The following ARHGAP29 variants were observed in gnomAD, a reference collection of about 807,000 sequenced individuals.
ARHGAP29 encodes the protein Rho GTPase activating protein 29.
Under a neutral mutation model 122.6 loss-of-function variants are expected in ARHGAP29, and 43 were observed. The ratio of observed to expected loss-of-function variants is 0.35; its 90% CI spans 0.27 to 0.45. The LOEUF is 0.45. ARHGAP29 is among the 20% of genes least tolerant of loss of function. The pLI, the probability that ARHGAP29 is intolerant of heterozygous loss-of-function variation, is 1.00. For synonymous variants in ARHGAP29, 506 were observed against 497.1 expected (o/e 1.02, Z -0.24); for missense variants, 1,303 against 1,477.2 (o/e 0.88, Z 1.93).
chr1:94,205,751 T>C, intron 5 of ARHGAP29, 68 bp from the exon 6 acceptor site: 3 of 1,437,600 alleles, frequency 2.1e-6, no homozygotes, highest in Non-Finnish European at 2.9e-6. Flanking sequence ...AGAATTTTTT[T>C]GCCCCAATTT....
intron 12 of ARHGAP29, among the ~76,000 whole-genome samples, chr1:94,199,030 G>A (rs760835676): frequency 2.0e-5 from 3 of 152,076 alleles, no homozygotes; most frequent in Non-Finnish European, 4.4e-5. Context: ...TCATATGTGG[G>A]AACTGAACAA....
chr1:94,237,580 C>T lies in ARHGAP29; in HGVS notation c.-198G>A. 2.0e-6 allele frequency: 2 copies of T among 990,530 alleles called. No individual in the cohort carries two copies. Among genetic ancestry groups the T allele is most frequent in the Non-Finnish European group, 2.4e-6 (2 of 833,686 alleles). The allele number at this position is 990,530 out of a possible 1,614,324, so 61.4% of individuals were successfully genotyped here. ...GCAGCCACAGCCACAGGCACCACCACCACTGCAGCCGCCACCGCCCCTGCA... is the reference window on the plus strand; with the variant it reads ...GCAGCCACAGCCACAGGCACCACCATCACTGCAGCCGCCACCGCCCCTGCA... On this transcript the variant is annotated 5_prime_UTR_variant, in exon 1 of 23. It adds an upstream start codon to the 5' untranslated region. Transcript: ENST00000260526.
chr1:94,180,251 C>T (rs970900396), intron 19 of ARHGAP29, among the ~76,000 whole-genome samples: 9 of 152,144 alleles, frequency 5.9e-5, no homozygotes, highest in Non-Finnish European at 1.2e-4. Flanking sequence ...ATAGCAATCA[C>T]ATTCACGACT....
At chr1:94,222,432 C>T (rs1003244264) in intron 2 of ARHGAP29, among the ~76,000 whole-genome samples, 1 of 152,156 alleles carries the variant, frequency 6.6e-6, no homozygotes, top group South Asian at 2.1e-4. Context: ...GGTAAATATC[C>T]TTGCTATAAA....
intron 2 of ARHGAP29, among the ~76,000 whole-genome samples, chr1:94,223,820 CTTTTT>C (rs1652463847): frequency 7.1e-6 from 1 of 141,740 alleles, no homozygotes; most frequent in Non-Finnish European, 1.5e-5. Context: ...TTTTTTTTTT[CTTTTT>C]GAGTTGGAGT....
intron 2 of ARHGAP29, among the ~76,000 whole-genome samples, chr1:94,229,645 C>A (rs1652812472): frequency 6.6e-6 from 1 of 151,574 alleles, no homozygotes; most frequent in Admixed American, 6.6e-5. Flanking sequence ...TTGATAATGT[C>A]CTTATGAATT....
chr1:94,297,344 A>G, the ARHGAP29 span, among the ~76,000 whole-genome samples: 6 of 152,208 alleles, frequency 3.9e-5, no homozygotes, highest in African/African-American at 7.2e-5. Context: ...AATTCTTAAT[A>G]TTTTATGTAA....
Position 94,205,658 on chromosome 1 carries a change from G to A in ARHGAP29, c.536C>T (p.Ser179Leu). The A allele has an allele frequency of 6.2e-7, 1 of 1,612,616 alleles. No individual in the cohort carries two copies. Among genetic ancestry groups the A allele is most frequent in the Non-Finnish European group, 8.5e-7 (1 of 1,179,308 alleles). The part of the protein sequence containing the change: ...TKSFENVSVE[S>L]VDSSSEKGNF... ...ACCTTTTTCACTGGATGAGTCCACT[G>A]ATTCCACAGAAACATTTTCAAACGA... Residue 179 changes from serine (S) to leucine (L), a missense_variant, in exon 6 of 23, where the codon TCA (serine) becomes TTA (leucine). Physicochemically the swap from Ser to Leu is moderately radical, Grantham distance 145. Coordinates refer to ENST00000260526, the MANE Select transcript of ARHGAP29 (RefSeq NM_004815.4).
chr1:94,196,429 T>G (rs1326551348), intron 12 of ARHGAP29, among the ~76,000 whole-genome samples: 1 of 150,902 alleles, frequency 6.6e-6, no homozygotes, highest in Non-Finnish European at 1.5e-5. Flanking sequence ...GCCCGGCTAA[T>G]TTTTTGTATT....
At position 94,169,944 on chromosome 1, in the gene ARHGAP29, G is replaced by GAATCTAT. The variant is rs1648621227; in HGVS notation, c.*3918_*3924dup. ...GTCACTGAATAAAGCAGGCATTCAT[G>GAATCTAT]AATCTATACTGATTTAAGTGAATGA... is the stretch of plus-strand genomic sequence containing the variant. On this transcript the variant is annotated 3_prime_UTR_variant, in exon 23 of 23. Coordinates refer to ENST00000260526, the MANE Select transcript of ARHGAP29 (RefSeq NM_004815.4). 6.6e-6 allele frequency among the ~76,000 whole-genome samples: 1 copy of GAATCTAT among 152,178 alleles called. No homozygotes were observed. The highest frequency in any genetic ancestry group is 6.5e-5 in the Admixed American group (1 of 15,278).
intron 14 of ARHGAP29, 116 bp downstream of exon 14, chr1:94,189,100 T>C (rs1056307034): frequency 1.4e-6 from 2 of 1,415,350 alleles, no homozygotes; most frequent in East Asian, 2.3e-5. Context: ...TAAGATCTCA[T>C]AAACTTACAA....
At chr1:94,203,019 G>A (rs1203155373) in intron 9 of ARHGAP29, 21 bp from the exon 10 acceptor site, 5 of 1,599,452 alleles carry the variant, frequency 3.1e-6, no homozygotes, top group Non-Finnish European at 3.4e-6. Flanking sequence ...TATTTAAAAT[G>A]GAAAAAGAGA....
chr1:94,243,121 CAGTAATTGATAGAATAACAGAA>C, intron 1 of ARHGAP29, among the ~76,000 whole-genome samples: 1 of 152,044 alleles, frequency 6.6e-6, no homozygotes, highest in East Asian at 1.9e-4. Context: ...ACTCTTCTCT[CAGTAATTGATAGAATAACAGAA>C]AATCATTAAG....
intron 2 of ARHGAP29, among the ~76,000 whole-genome samples, chr1:94,229,078 T>G (rs1319336749): frequency 1.3e-5 from 2 of 151,798 alleles, no homozygotes. Context: ...GAGAAATTAC[T>G]GACAAGGCTC....
At chr1:94,227,282 T>G (rs1359079801) in intron 2 of ARHGAP29, among the ~76,000 whole-genome samples, 1 of 151,698 alleles carries the variant, frequency 6.6e-6, no homozygotes, top group East Asian at 1.9e-4. Context: ...TCTTTATAAA[T>G]AGTATAAAGG....
chr1:94,185,005 T>A lies in ARHGAP29; in HGVS notation c.1976A>T (p.His659Leu). The change falls in exon 18 of 23, where the codon CAT (histidine) becomes CTT (leucine). Residue 659 changes from histidine (H) to leucine (L), a missense_variant. Transcript: ENST00000260526. Reference protein sequence around the residue: ...CLENLVIICGHQKLPGKIHLF... With the variant: ...CLENLVIICGLQKLPGKIHLF... ...GTGTATTTTTCCTGGAAGTTTCTGA[T>A]GACCACAAATAATGACTAAATTTTC... is the stretch of plus-strand genomic sequence containing the variant. 6.2e-7 allele frequency: 1 copy of A among 1,613,110 alleles called. No homozygotes were observed.
intron 1 of ARHGAP29, among the ~76,000 whole-genome samples, chr1:94,268,151 A>T (rs566973924): frequency 1.3e-5 from 2 of 152,158 alleles, no homozygotes; most frequent in South Asian, 4.1e-4. Flanking sequence ...TTCATTTTGA[A>T]TATAGCCCTT....
At chr1:94,207,166 T>TG (rs1182700305) in intron 5 of ARHGAP29, among the ~76,000 whole-genome samples, 12 of 151,598 alleles carry the variant, frequency 7.9e-5, no homozygotes, top group African/African-American at 2.9e-4. Flanking sequence ...ACATCACCCT[T>TG]CCTGGCTAAT....
chr1:94,229,648 T>C (rs1652812981), intron 2 of ARHGAP29, among the ~76,000 whole-genome samples: 1 of 151,712 alleles, frequency 6.6e-6, no homozygotes, highest in African/African-American at 2.4e-5. Flanking sequence ...ATAATGTCCT[T>C]ATGAATTTTT....
Sources: gnomAD v4.1 joint callset for allele counts (sites outside exome capture counted in the v4.1 genomes callset) on GRCh38, gnomAD v4.1.1 for gene constraint, MANE v1.5 for transcripts, NCBI Gene and HGNC (gene_info 2026-07-23, HGNC 2026-07-21) for gene names.